Variants in SPHKAP observed in about 807,000 individuals in gnomAD.
SPHKAP encodes SPHK1 interactor, AKAP domain containing.
SPHKAP carries 67 observed loss-of-function variants against 137.5 expected under a neutral mutation model. The observed-to-expected ratio is 0.49, with a 90% CI of 0.40 to 0.60. The LOEUF (loss-of-function observed/expected upper bound fraction) is 0.60. Ranked by LOEUF, SPHKAP falls within the 20% of genes least tolerant of loss-of-function variation. The pLI, the probability that SPHKAP is intolerant of heterozygous loss-of-function variation, is 0.00. For missense variants in SPHKAP, 2,097 were observed against 2,069.3 expected (o/e 1.01, Z -0.26); for synonymous variants, 813 against 785.3 (o/e 1.04, Z -0.59).
rs1306673369 is a variant in SPHKAP, at chr2:228,034,809, G to A, written c.247-7266C>T. ...TGATTATCTTAATAGATGCAGAAAA[G>A]GCTTTCGACAAAATTCAACAACGCT... On this transcript the variant is annotated intron_variant, in intron 3 of 11. Coordinates refer to ENST00000392056, the MANE Select transcript of SPHKAP (RefSeq NM_001142644.2). Among the ~76,000 whole-genome samples the A allele has an allele frequency of 2.0e-5, 3 of 152,138 alleles. No homozygotes were observed. In the East Asian group the frequency reaches 5.8e-4, roughly 29 times the overall value.
At chr2:227,984,546 T>A (rs1480904305) in intron 11 of SPHKAP, among the ~76,000 whole-genome samples, 1 of 152,122 alleles carries the variant, frequency 6.6e-6, no homozygotes, top group Admixed American at 6.6e-5. Flanking sequence ...GTTACTTATA[T>A]CTAAGAGTGT....
chr2:228,161,453 A>T (rs1170066255), intron 1 of SPHKAP, among the ~76,000 whole-genome samples: 1 of 152,208 alleles, frequency 6.6e-6, no homozygotes, highest in Non-Finnish European at 1.5e-5. Context: ...TTGCTCAGAG[A>T]ACAGAAAACC....
intron 3 of SPHKAP, among the ~76,000 whole-genome samples, chr2:228,073,790 A>G (rs1476634106): frequency 6.6e-6 from 1 of 152,226 alleles, no homozygotes; most frequent in Non-Finnish European, 1.5e-5. Context: ...ACATGGACTG[A>G]GGGTTTACAA....
chr2:228,161,096 G>A (rs1411231884), intron 1 of SPHKAP, among the ~76,000 whole-genome samples: 2 of 152,212 alleles, frequency 1.3e-5, no homozygotes, highest in African/African-American at 4.8e-5. Flanking sequence ...GTCATGAACT[G>A]TGAGGCACTG....
chr2:228,067,349 A>G (rs1334211583), intron 3 of SPHKAP, among the ~76,000 whole-genome samples: 1 of 152,242 alleles, frequency 6.6e-6, no homozygotes, highest in Non-Finnish European at 1.5e-5. Context: ...GAAAACTAAT[A>G]AAATCTCAAT....
chr2:228,109,956 CAAAAAA>C (rs11440513), intron 2 of SPHKAP, among the ~76,000 whole-genome samples: 1 of 56,286 alleles, frequency 1.8e-5, no homozygotes, highest in Non-Finnish European at 3.0e-5. Flanking sequence ...GAAAATGTCT[CAAAAAA>C]AAAAAAAAAA....
chr2:228,169,913 G>T (rs28814657), intron 1 of SPHKAP: 20,359 of 151,678 alleles, frequency 0.13, 1,368 homozygotes, highest in East Asian at 0.2. Flanking sequence ...ATGGATCTGG[G>T]CAAAGTAAAT....
chr2:228,123,183 G>T (rs982371700), intron 2 of SPHKAP, among the ~76,000 whole-genome samples: 1 of 152,156 alleles, frequency 6.6e-6, no homozygotes, highest in African/African-American at 2.4e-5. Flanking sequence ...GATCAGATTA[G>T]CTTTCCTTAA....
At chr2:228,014,857 A>G (rs879330004) in intron 7 of SPHKAP, among the ~76,000 whole-genome samples, 5 of 152,078 alleles carry the variant, frequency 3.3e-5, no homozygotes, top group Admixed American at 2.0e-4. Flanking sequence ...GACTTCTCCA[A>G]CTTAGGTTTT....
intron 5 of SPHKAP, among the ~76,000 whole-genome samples, chr2:228,024,844 C>A (rs542682578): frequency 6.6e-6 from 1 of 152,062 alleles, no homozygotes; most frequent in South Asian, 2.1e-4. Context: ...CATGAGTGCA[C>A]GGAATGATAA....
At chr2:228,028,183 GA>G (rs904845567) in intron 3 of SPHKAP, among the ~76,000 whole-genome samples, 3 of 151,986 alleles carry the variant, frequency 2.0e-5, no homozygotes, top group African/African-American at 7.3e-5. Flanking sequence ...CATGAAATAG[GA>G]AAAATAACTT....
intron 7 of SPHKAP, 86 bp downstream of exon 7, chr2:228,016,320 T>G: frequency 6.7e-7 from 1 of 1,485,424 alleles, no homozygotes; most frequent in Non-Finnish European, 8.9e-7. Context: ...AATCAAATCC[T>G]TTATGTCTAA....
intron 1 of SPHKAP, among the ~76,000 whole-genome samples, chr2:228,162,460 C>G (rs1253948134): frequency 6.6e-6 from 1 of 152,166 alleles, no homozygotes; most frequent in African/African-American, 2.4e-5. Context: ...TTAGTTTAAA[C>G]TTGAACAAGA....
intron 1 of SPHKAP, among the ~76,000 whole-genome samples, chr2:228,174,216 C>T (rs530887860): frequency 1.8e-3 from 271 of 152,000 alleles, no homozygotes; most frequent in Middle Eastern, 0.017. Flanking sequence ...ATTCAGAGAC[C>T]GTATTTTGAG....
At chr2:228,036,170 T>A (rs1022575732) in intron 3 of SPHKAP, among the ~76,000 whole-genome samples, 12 of 149,482 alleles carry the variant, frequency 8.0e-5, no homozygotes, top group African/African-American at 2.5e-4. Flanking sequence ...TACAATGAAC[T>A]CAAACAAATT....
intron 4 of SPHKAP, 98 bp downstream of exon 4, chr2:228,027,386 C>CT: frequency 8.0e-7 from 1 of 1,254,870 alleles, no homozygotes; most frequent in Non-Finnish European, 1.2e-6. Context: ...AACTATCTAA[C>CT]TAAAGAGTCT....
In SPHKAP at chr2:228,159,898, A is replaced by G. The variant is rs187869331; in HGVS notation, c.32+21669T>C. 1.2e-3 allele frequency among the ~76,000 whole-genome samples: 189 copies of G among 152,212 alleles called. 1 individual carries two copies. The highest frequency in any genetic ancestry group is 0.01 in the Middle Eastern group (3 of 294). On this transcript the variant is annotated intron_variant, in intron 1 of 11. Transcript: ENST00000392056. Reference sequence around the variant, plus strand: ...ATCTTTGCAGTCTCCTTCCAGACCAATCTGTGGTTTGTTGACTGCTACTAG... The same window carrying G: ...ATCTTTGCAGTCTCCTTCCAGACCAGTCTGTGGTTTGTTGACTGCTACTAG...
intron 9 of SPHKAP, chr2:227,991,625 A>G: frequency 1.0e-6 from 1 of 985,458 alleles, no homozygotes; most frequent in Non-Finnish European, 1.2e-6. Flanking sequence ...CCTCCTTACC[A>G]TAAACTTTCA....
intron 3 of SPHKAP, among the ~76,000 whole-genome samples, chr2:228,098,721 C>A (rs1255726609): frequency 6.7e-6 from 1 of 149,154 alleles, no homozygotes; most frequent in Non-Finnish European, 1.5e-5. Flanking sequence ...ATGTAACTAA[C>A]CTGCACGTTG....
Sources: gnomAD v4.1 joint callset for allele counts (sites outside exome capture counted in the v4.1 genomes callset) on GRCh38, gnomAD v4.1.1 for gene constraint, MANE v1.5 for transcripts, NCBI Gene and HGNC (gene_info 2026-07-23, HGNC 2026-07-21) for gene names.